Variants in ATP8A2 observed in about 807,000 individuals in gnomAD.
ATP8A2 encodes the protein phospholipid-transporting ATPase IB.
ATP8A2 carries 100 observed loss-of-function variants against 165.6 expected under a neutral mutation model. The observed-to-expected ratio is 0.60, with a 90% CI of 0.51 to 0.71. ATP8A2 has a LOEUF of 0.71. Ranked by LOEUF, ATP8A2 falls within the 30% of genes least tolerant of loss-of-function variation. ATP8A2 has a pLI of 0.00. For missense variants in ATP8A2, 1,227 were observed against 1,479.5 expected, an observed-to-expected ratio of 0.83 and a Z score of 2.80; for synonymous variants, 543 against 548.8, an observed-to-expected ratio of 0.99 and a Z score of 0.15.
At chr13:25,516,824 A>T (rs2037490328) in intron 2 of ATP8A2, among the ~76,000 whole-genome samples, 1 of 141,234 alleles carries the variant, frequency 7.1e-6, no homozygotes, top group African/African-American at 2.7e-5. Flanking sequence ...TCTCTCACCC[A>T]GGCTGGAGTG....
intron 25 of ATP8A2, among the ~76,000 whole-genome samples, chr13:25,738,350 C>CGA (rs1368039091): frequency 1.2e-4 from 12 of 97,858 alleles, no homozygotes; most frequent in Middle Eastern, 7.2e-3. Context: ...TCCCCCCCCC[C>CGA]CACACACACT....
intron 25 of ATP8A2, among the ~76,000 whole-genome samples, chr13:25,703,723 A>G (rs1172435682): frequency 6.6e-6 from 1 of 152,226 alleles, no homozygotes; most frequent in Non-Finnish European, 1.5e-5. Flanking sequence ...CCTATCATAT[A>G]CTCAGAATAG....
intron 35 of ATP8A2, among the ~76,000 whole-genome samples, chr13:25,995,884 A>G (rs2139305074): frequency 6.6e-6 from 1 of 152,296 alleles, no homozygotes; most frequent in South Asian, 2.1e-4. Flanking sequence ...GAAAAATTCA[A>G]CTATAATTGT....
intron 24 of ATP8A2, among the ~76,000 whole-genome samples, chr13:25,622,616 G>A (rs911278429): frequency 2.0e-5 from 3 of 152,076 alleles, no homozygotes; most frequent in African/African-American, 7.2e-5. Context: ...AGTGCTGACA[G>A]GAGGCCACAA....
Position 25,531,272 on chromosome 13 carries a change from A to ATATATGATATATGTTATATATGT in ATP8A2, c.420+617_420+618insGATATATGTTATATATGTTATAT, listed in dbSNP as rs1566229294. ...ATATATGATATATATGATATATATGATATATATGTTATATATGATATATAT... is the reference window on the plus strand; with the variant it reads ...ATATATGATATATATGATATATATGATATATGATATATGTTATATATGTTATATATGTTATATATGATATATAT... On this transcript the variant is annotated intron_variant, in intron 4 of 36. Transcript: ENST00000381655. Among the ~76,000 whole-genome samples the ATATATGATATATGTTATATATGT allele has an allele frequency of 3.3e-5, 2 of 60,436 alleles. 1 individual carries two copies. The allele number at this position is 60,436 out of a possible 152,430, so 39.6% of individuals were successfully genotyped here.
chr13:25,508,994 G>C (rs148951284), intron 2 of ATP8A2, among the ~76,000 whole-genome samples: 42 of 152,296 alleles, frequency 2.8e-4, no homozygotes, highest in Admixed American at 8.5e-4. Context: ...ATTTCGTTGG[G>C]TTTAGAGTTG....
chr13:25,576,552 G>A (rs2039624381), intron 19 of ATP8A2, among the ~76,000 whole-genome samples: 1 of 152,094 alleles, frequency 6.6e-6, no homozygotes, highest in Non-Finnish European at 1.5e-5. Context: ...GTGAGGAAGT[G>A]TAGATGCTGC....
intron 1 of ATP8A2, among the ~76,000 whole-genome samples, chr13:25,438,659 A>G (rs1437482828): frequency 2.6e-5 from 4 of 152,214 alleles, no homozygotes; most frequent in African/African-American, 4.8e-5. Flanking sequence ...AAGAAAAAAA[A>G]AGAGAGAGAT....
chr13:25,591,984 C>T (rs1486941547), intron 24 of ATP8A2, among the ~76,000 whole-genome samples: 3 of 148,996 alleles, frequency 2.0e-5, no homozygotes, highest in Middle Eastern at 3.6e-3. Context: ...GCAGCTGCAT[C>T]GTTTTATATG....
chr13:25,888,068 A>T (rs920851165), intron 33 of ATP8A2, among the ~76,000 whole-genome samples: 1 of 105,668 alleles, frequency 9.5e-6, no homozygotes, highest in Admixed American at 1.0e-4. Flanking sequence ...AAGAACCCAG[A>T]CCCCCCCCCC....
At chr13:25,949,104 T>G (rs552495229) in intron 33 of ATP8A2, among the ~76,000 whole-genome samples, 169 of 152,304 alleles carry the variant, frequency 1.1e-3, no homozygotes, top group African/African-American at 3.8e-3. Flanking sequence ...GTGGGAAGCA[T>G]GAGTAACTCA....
chr13:25,609,223 G>C (rs1194302821), intron 24 of ATP8A2, among the ~76,000 whole-genome samples: 1 of 151,814 alleles, frequency 6.6e-6, no homozygotes, highest in Non-Finnish European at 1.5e-5. Context: ...AAAGCAAAAA[G>C]ATAAAAATAA....
chr13:25,717,000 G>C (rs554730432), intron 25 of ATP8A2, among the ~76,000 whole-genome samples: 1 of 152,334 alleles, frequency 6.6e-6, no homozygotes, highest in South Asian at 2.1e-4. Flanking sequence ...AGGTTGGCTA[G>C]AGTGGAGTTA....
chr13:25,411,854 G>A (rs2033976028), intron 1 of ATP8A2, among the ~76,000 whole-genome samples: 1 of 152,048 alleles, frequency 6.6e-6, no homozygotes. Context: ...GTAGGATTCT[G>A]GGTGACTTTT....
intron 24 of ATP8A2, among the ~76,000 whole-genome samples, chr13:25,613,130 G>A (rs753922223): frequency 4.6e-5 from 7 of 152,106 alleles, no homozygotes; most frequent in Non-Finnish European, 7.4e-5. Flanking sequence ...TTCAACGTTA[G>A]CATTGAGATG....
intron 27 of ATP8A2, among the ~76,000 whole-genome samples, chr13:25,815,034 A>C (rs77882497): frequency 1.5e-5 from 2 of 135,344 alleles, no homozygotes. Flanking sequence ...ACCTTGTTTC[A>C]AAAAAAAAAA....
At position 25,432,163 on chromosome 13, in the gene ATP8A2, A is replaced by G. The variant is rs561978967; in HGVS notation, c.77-36814A>G. The stretch of plus-strand genomic sequence containing the variant: ...AATTAATGACCATAATTGCTTTTTA[A>G]TGTTTTCATTTTAAAGATCTGGGGC... On this transcript the variant is annotated intron_variant, in intron 1 of 36. Coordinates refer to ENST00000381655, the MANE Select transcript of ATP8A2 (RefSeq NM_016529.6). 2.1e-3 allele frequency among the ~76,000 whole-genome samples: 317 copies of G among 152,262 alleles called. 1 individual carries two copies. Among genetic ancestry groups the G allele is most frequent in the African/African-American group, 7.2e-3 (300 of 41,548 alleles).
At chr13:25,444,880 C>A (rs1056260745) in intron 1 of ATP8A2, among the ~76,000 whole-genome samples, 1 of 152,084 alleles carries the variant, frequency 6.6e-6, no homozygotes, top group African/African-American at 2.4e-5. Context: ...TCAGATGATC[C>A]ACCTGCCTCA....
intron 25 of ATP8A2, among the ~76,000 whole-genome samples, chr13:25,704,870 A>C (rs1324478294): frequency 6.6e-6 from 1 of 152,172 alleles, no homozygotes; most frequent in Non-Finnish European, 1.5e-5. Flanking sequence ...TTCTATCTGA[A>C]TAATATCAGG....
Sources: allele counts gnomAD v4.1 joint callset (sites outside exome capture counted in the v4.1 genomes callset), GRCh38; gene constraint gnomAD v4.1.1; transcripts MANE v1.5; gene names NCBI Gene and HGNC (gene_info 2026-07-23, HGNC 2026-07-21).